Variants in PPM1H observed in about 807,000 individuals in gnomAD.
PPM1H encodes the protein protein phosphatase, Mg2+/Mn2+ dependent 1H, also known as protein phosphatase 1H.
Under a neutral mutation model 54.9 loss-of-function variants are expected in PPM1H, and 27 were observed. The observed-to-expected ratio is 0.49, with a 90% CI of 0.36 to 0.68. The LOEUF is 0.68. PPM1H is among the 30% of genes least tolerant of loss of function. The pLI is 0.00. For missense variants in PPM1H, 596 were observed against 667.8 expected (o/e 0.89, Z 1.19); for synonymous variants, 305 against 270.8 (o/e 1.13, Z -1.24).
At chr12:62,808,793 T>C (rs112329074) in intron 2 of PPM1H, among the ~76,000 whole-genome samples, 2,654 of 152,130 alleles carry the variant, frequency 0.017, 85 homozygotes, top group African/African-American at 0.061. Flanking sequence ...GACATTCCAG[T>C]CTGGCAAAGC....
chr12:62,912,279 C>T (rs1284907227), intron 1 of PPM1H, among the ~76,000 whole-genome samples: 1 of 152,172 alleles, frequency 6.6e-6, no homozygotes, highest in Non-Finnish European at 1.5e-5. Context: ...CCTTCATTCC[C>T]CAAACAACCA....
intron 1 of PPM1H, among the ~76,000 whole-genome samples, chr12:62,849,615 G>A (rs1869103905): frequency 6.6e-6 from 1 of 152,132 alleles, no homozygotes; most frequent in African/African-American, 2.4e-5. Context: ...CAGGTGCTAA[G>A]AAAAGTTCAA....
chr12:62,838,750 TC>T lies in PPM1H; in HGVS notation c.246-6472del, dbSNP rs1868598148. On this transcript the variant is annotated intron_variant, in intron 1 of 9. Transcript: ENST00000228705. ...TCCTGGCTAACACGGTGAAACCCCG[TC>T]TCTACTAAAAATACAAAAAATTAGC... Among the ~76,000 whole-genome samples, 2 of 133,236 alleles carry T rather than the reference TC, an allele frequency of 1.5e-5. 1 individual carries two copies. Among genetic ancestry groups the T allele is most frequent in the Non-Finnish European group, 3.1e-5 (2 of 63,556 alleles). 87.4% of individuals were successfully genotyped at this position (133,236 alleles called of 152,430 possible).
chr12:62,803,615 A>C (rs573502538), intron 2 of PPM1H, among the ~76,000 whole-genome samples: 1 of 152,240 alleles, frequency 6.6e-6, no homozygotes, highest in Non-Finnish European at 1.5e-5. Flanking sequence ...CATGGGGGAA[A>C]AAAACTCCTT....
intron 8 of PPM1H, among the ~76,000 whole-genome samples, chr12:62,682,471 G>C (rs2076024249): frequency 6.6e-6 from 1 of 152,180 alleles, no homozygotes; most frequent in African/African-American, 2.4e-5. Flanking sequence ...TATTATTCAT[G>C]TTTTCATGGG....
chr12:62,752,112 A>C (rs181485703), intron 4 of PPM1H, among the ~76,000 whole-genome samples: 15 of 152,364 alleles, frequency 9.8e-5, no homozygotes, highest in African/African-American at 3.4e-4. Flanking sequence ...ATTTCAAGCT[A>C]TGAATTAAGT....
At position 62,799,272 on chromosome 12, in the gene PPM1H, G is replaced by T. The variant is rs148143519; in HGVS notation, c.756+2544C>A. 4.8e-3 allele frequency among the ~76,000 whole-genome samples: 737 copies of T among 152,262 alleles called. 8 individuals are homozygous for T. The highest frequency in any genetic ancestry group is 0.017 in the African/African-American group (701 of 41,544). On this transcript the variant is annotated intron_variant, in intron 3 of 9. Transcript: ENST00000228705. ...GCAACCCTGAGCCATTAATGGGCAGGAACAGCCTGAGACCCCTGTGGAGTC... is the reference window on the plus strand; with the variant it reads ...GCAACCCTGAGCCATTAATGGGCAGTAACAGCCTGAGACCCCTGTGGAGTC...
intron 1 of PPM1H, among the ~76,000 whole-genome samples, chr12:62,874,479 G>A (rs1434882250): frequency 6.7e-6 from 1 of 150,310 alleles, no homozygotes. Flanking sequence ...TCTCCAGCTT[G>A]TTGTGGCAGC....
At chr12:62,717,997 A>T (rs114214240) in intron 6 of PPM1H, among the ~76,000 whole-genome samples, 14 of 152,366 alleles carry the variant, frequency 9.2e-5, no homozygotes, top group Admixed American at 2.6e-4. Context: ...CCTTTCTGGC[A>T]TAGAAAGAAC....
intron 1 of PPM1H, among the ~76,000 whole-genome samples, chr12:62,931,615 T>C (rs749054257): frequency 1.7e-4 from 26 of 152,332 alleles, no homozygotes; most frequent in Non-Finnish European, 3.7e-4. Flanking sequence ...TAATTTAATC[T>C]ACTGTAGAGA....
intron 6 of PPM1H, among the ~76,000 whole-genome samples, chr12:62,701,305 C>A (rs1290596727): frequency 2.0e-5 from 3 of 152,232 alleles, no homozygotes; most frequent in Non-Finnish European, 4.4e-5. Flanking sequence ...TAGGTGCTGT[C>A]CTTACAGGCT....
chr12:62,692,043 G>T (rs1592546287), intron 7 of PPM1H, among the ~76,000 whole-genome samples: 1 of 152,132 alleles, frequency 6.6e-6, no homozygotes. Context: ...GAAGTATCCA[G>T]GTGTTACCCA....
chr12:62,889,126 G>A (rs1242521484), intron 1 of PPM1H, among the ~76,000 whole-genome samples: 1 of 152,106 alleles, frequency 6.6e-6, no homozygotes, highest in Admixed American at 6.6e-5. Context: ...CCATTCCACA[G>A]TCAGAATTTC....
intron 9 of PPM1H, among the ~76,000 whole-genome samples, chr12:62,649,944 A>C (rs2075806643): frequency 6.6e-6 from 1 of 152,190 alleles, no homozygotes; most frequent in African/African-American, 2.4e-5. Flanking sequence ...TCACCGTATA[A>C]GTCCTCTTGG....
chr12:62,743,212 G>C (rs1431109294), intron 4 of PPM1H, among the ~76,000 whole-genome samples: 1 of 152,092 alleles, frequency 6.6e-6, no homozygotes. Context: ...AATTAGCTGG[G>C]TGTGGTGGCA....
intron 1 of PPM1H, among the ~76,000 whole-genome samples, chr12:62,855,187 G>A (rs1869337867): frequency 6.6e-6 from 1 of 152,180 alleles, no homozygotes; most frequent in East Asian, 1.9e-4. Context: ...TGGTTTTAGT[G>A]CTGAAAGTTT....
At chr12:62,743,980 T>C (rs1192716323) in intron 4 of PPM1H, among the ~76,000 whole-genome samples, 1 of 152,084 alleles carries the variant, frequency 6.6e-6, no homozygotes. Context: ...ACATATCCAA[T>C]GGTTCAGTCA....
chr12:62,867,699 T>A (rs1417729053), intron 1 of PPM1H, among the ~76,000 whole-genome samples: 1 of 148,678 alleles, frequency 6.7e-6, no homozygotes, highest in African/African-American at 2.5e-5. Context: ...TGCCTCAGCC[T>A]CCCAAATAGC....
At chr12:62,830,534 C>G (rs543705588) in intron 2 of PPM1H, among the ~76,000 whole-genome samples, 1 of 152,276 alleles carries the variant, frequency 6.6e-6, no homozygotes, top group South Asian at 2.1e-4. Context: ...GGATTACAGG[C>G]GTGAGCCACC....
Sources: allele counts gnomAD v4.1 joint callset (sites outside exome capture counted in the v4.1 genomes callset), GRCh38; gene constraint gnomAD v4.1.1; transcripts MANE v1.5; gene names NCBI Gene and HGNC (gene_info 2026-07-23, HGNC 2026-07-21).